Variants in VWA8 observed in about 807,000 individuals in gnomAD.
VWA8 encodes von Willebrand factor A domain containing 8.
A neutral mutation model predicts 241.5 loss-of-function variants in VWA8; 221 were observed. That is an observed-to-expected ratio of 0.91 (90% CI 0.82 to 1.02). The LOEUF is 1.02. VWA8 is among the 50% of genes least tolerant of loss of function. The pLI is 0.00. For synonymous variants in VWA8, 852 were observed against 827.1 expected (o/e 1.03, Z -0.52); for missense variants, 2,322 against 2,328.7 (o/e 1.00, Z 0.06).
rs1185047417 is a variant in VWA8, at chr13:41,940,099, GA to G, written c.241+9836del. On this transcript the variant is annotated intron_variant, in intron 2 of 44. Coordinates refer to ENST00000379310, the MANE Select transcript of VWA8 (RefSeq NM_015058.2). Reference sequence around the variant, plus strand: ...CAGACTGTAAAAGGAAAACCAAACTGAAGTCAGGAAATCTGGGCTTTGCTAC... The same window carrying G: ...CAGACTGTAAAAGGAAAACCAAACTGAGTCAGGAAATCTGGGCTTTGCTAC... 2.0e-5 allele frequency among the ~76,000 whole-genome samples: 3 copies of G among 152,240 alleles called. No homozygotes were observed. The East Asian group carries it at 5.8e-4, about 29-fold the overall frequency.
At chr13:41,578,761 A>C (rs551097822) in intron 42 of VWA8, among the ~76,000 whole-genome samples, 14 of 152,276 alleles carry the variant, frequency 9.2e-5, no homozygotes, top group African/African-American at 3.4e-4. Flanking sequence ...AATTTTTATG[A>C]TCATGATTTC....
rs1226524084 is a variant in VWA8 at position 41,865,923 on chromosome 13, A to T, written c.1326T>A (p.Asp442Glu). Residue 442 changes from aspartate to glutamate, a missense_variant, in exon 11 of 45, where the codon GAT becomes GAA. By Grantham distance (45) the Asp-to-Glu change is conservative. Coordinates refer to ENST00000379310, the MANE Select transcript of VWA8 (RefSeq NM_015058.2). ...TTACCTTTCCTCCAATTAAACATAT[A>T]TCTTTAACCATGTGAGACTGCATCA... ...AEMMQSHMVK[D>E]ICLIGGKGCG... 1 of 1,614,104 alleles carries T rather than the reference A, an allele frequency of 6.2e-7. No homozygotes were observed. Among genetic ancestry groups the T allele is most frequent in the Non-Finnish European group, 8.5e-7 (1 of 1,180,046 alleles).
intron 22 of VWA8, 85 bp from the exon 23 acceptor site, chr13:41,729,762 A>G (rs2045466685): frequency 1.4e-6 from 2 of 1,393,872 alleles, no homozygotes; most frequent in Admixed American, 4.2e-5. Context: ...TGGACTTATA[A>G]CAGCTGGCTT....
At chr13:41,865,578 A>G in intron 12 of VWA8, 158 bp downstream of exon 12, 1 of 741,862 alleles carries the variant, frequency 1.3e-6, no homozygotes, top group Middle Eastern at 4.1e-4. Flanking sequence ...GCTCCAAAGA[A>G]TTATAATTGC....
chr13:41,869,810 T>C (rs1189358537), intron 9 of VWA8, among the ~76,000 whole-genome samples: 1 of 152,116 alleles, frequency 6.6e-6, no homozygotes, highest in Non-Finnish European at 1.5e-5. Context: ...TTAAGTTCTA[T>C]GCCTTATTTA....
intron 1 of VWA8, 139 bp downstream of exon 1, chr13:41,960,714 A>T: frequency 7.9e-7 from 1 of 1,265,224 alleles, no homozygotes; most frequent in Non-Finnish European, 1.0e-6. Flanking sequence ...CGGGACTAGA[A>T]CCTCAATCTT....
At chr13:41,652,895 T>C (rs1186278773) in intron 37 of VWA8, among the ~76,000 whole-genome samples, 2 of 152,304 alleles carry the variant, frequency 1.3e-5, no homozygotes, top group African/African-American at 2.4e-5. Flanking sequence ...GACAAGAATT[T>C]GTCATTAGTT....
intron 12 of VWA8, among the ~76,000 whole-genome samples, chr13:41,853,821 G>T (rs1159646547): frequency 1.3e-5 from 2 of 151,882 alleles, no homozygotes; most frequent in Non-Finnish European, 2.9e-5. Flanking sequence ...TCTTTTCTGT[G>T]GTTTTTCTGT....
chr13:41,940,121 G>C (rs1877527422), intron 2 of VWA8, among the ~76,000 whole-genome samples: 1 of 152,134 alleles, frequency 6.6e-6, no homozygotes, highest in Non-Finnish European at 1.5e-5. Flanking sequence ...TCTGGGCTTT[G>C]CTACTAATTA....
chr13:41,703,957 T>G (rs140067553), intron 26 of VWA8, among the ~76,000 whole-genome samples: 3 of 152,258 alleles, frequency 2.0e-5, no homozygotes, highest in Admixed American at 6.5e-5. Flanking sequence ...TTTGTATTTT[T>G]AGTAGAGACG....
chr13:41,823,517 G>C (rs1871050689), intron 14 of VWA8, among the ~76,000 whole-genome samples: 1 of 152,028 alleles, frequency 6.6e-6, no homozygotes, highest in Non-Finnish European at 1.5e-5. Flanking sequence ...AGCAGGAAAA[G>C]ACATATTTAG....
At chr13:41,615,632 TA>T (rs2044616296) in intron 37 of VWA8, among the ~76,000 whole-genome samples, 1 of 152,270 alleles carries the variant, frequency 6.6e-6, no homozygotes, top group Non-Finnish European at 1.5e-5. Flanking sequence ...ACTGCTTATT[TA>T]TTTTTTTGAC....
At chr13:41,643,107 C>T (rs963470293) in intron 37 of VWA8, among the ~76,000 whole-genome samples, 1 of 152,178 alleles carries the variant, frequency 6.6e-6, no homozygotes, top group Non-Finnish European at 1.5e-5. Flanking sequence ...CCACTTAGCC[C>T]CAAATGCTGC....
chr13:41,885,948 T>C lies in VWA8; in HGVS notation c.947A>G (p.Asp316Gly), dbSNP rs549867896. The C allele has an allele frequency of 1.8e-5, 29 of 1,602,964 alleles. No individual in the cohort carries two copies. Among genetic ancestry groups the C allele is most frequent in the South Asian group, 5.7e-5 (5 of 87,894 alleles). Residue 316 changes from aspartate (D) to glycine (G), a missense_variant, in exon 8 of 45, where the codon GAT becomes GGT. By Grantham distance (94) the Asp-to-Gly change is moderately conservative (BLOSUM62 -1). Coordinates refer to ENST00000379310, the MANE Select transcript of VWA8 (RefSeq NM_015058.2). ...STLGLPDFPL[D>G]SLAAAVQILD... ...GATTTGAACCGCAGCTGCTAAACTA[T>C]CTAAAGGAAAGTCTGGAAGTCCAAG...
chr13:41,758,380 A>G (rs1312317661), intron 21 of VWA8, among the ~76,000 whole-genome samples: 9 of 26,510 alleles, frequency 3.4e-4, no homozygotes, highest in African/African-American at 8.7e-4. Context: ...ATATATATAT[A>G]TATATATATA....
In VWA8 at chr13:41,685,193, C is replaced by T. The variant is rs567169842; in HGVS notation, c.4181G>A (p.Arg1394Gln). 3.2e-5 allele frequency: 52 copies of T among 1,613,108 alleles called. 1 individual carries two copies. Among genetic ancestry groups the T allele is most frequent in the Non-Finnish European group, 4.0e-5 (47 of 1,179,622 alleles). ...SWKRPSSLHKRSGTDTSFYRG... is the reference protein window; with the variant it reads ...SWKRPSSLHKQSGTDTSFYRG... ...ATAGAATGATGTATCAGTGCCACTT[C>T]GTTTATGCAAAGATGATGGTCTCTT... is the stretch of plus-strand genomic sequence containing the variant. The change falls in exon 35 of 45, where the codon CGA (arginine) becomes CAA (glutamine). Residue 1394 changes from arginine (R) to glutamine (Q), a missense_variant. By Grantham distance (43) the Arg-to-Gln change is conservative. Coordinates refer to ENST00000379310, the MANE Select transcript of VWA8 (RefSeq NM_015058.2).
intron 22 of VWA8, among the ~76,000 whole-genome samples, 165 bp from the exon 23 acceptor site, chr13:41,729,842 C>CAT (rs1555327110): frequency 1.4e-5 from 2 of 147,840 alleles, no homozygotes; most frequent in Non-Finnish European, 3.0e-5. Context: ...CACACACACA[C>CAT]ATCTATAGCA....
chr13:41,592,063 A>T (rs923106223), intron 40 of VWA8, among the ~76,000 whole-genome samples: 14 of 151,592 alleles, frequency 9.2e-5, no homozygotes, highest in Non-Finnish European at 1.8e-4. Context: ...CTTGGAACCA[A>T]CCCAAATGTC....
chr13:41,822,901 T>C (rs1341249580), intron 14 of VWA8, among the ~76,000 whole-genome samples: 1 of 152,028 alleles, frequency 6.6e-6, no homozygotes, highest in Non-Finnish European at 1.5e-5. Flanking sequence ...CTAGAAAATA[T>C]GAGCTCTATA....
Sources: allele counts gnomAD v4.1 joint callset (sites outside exome capture counted in the v4.1 genomes callset), GRCh38; gene constraint gnomAD v4.1.1; transcripts MANE v1.5; gene names NCBI Gene and HGNC (gene_info 2026-07-23, HGNC 2026-07-21).